The following LIN54 variants were observed in gnomAD, a reference collection of about 807,000 sequenced individuals.
The protein encoded by LIN54 is protein lin-54 homolog.
In LIN54, 9 loss-of-function variants were observed where a neutral mutation model predicts 78.7. The ratio of observed to expected loss-of-function variants is 0.11; its 90% CI spans 0.07 to 0.20. The LOEUF is 0.20. Among genes scored for constraint, LIN54 ranks in the 10% least tolerant of loss-of-function variants. LIN54 has a pLI of 1.00. For missense variants in LIN54, 573 were observed against 889.9 expected (o/e 0.64, Z 4.53); for synonymous variants, 269 against 318.4 (o/e 0.84, Z 1.65).
intron 3 of LIN54, among the ~76,000 whole-genome samples, chr4:82,976,853 A>G (rs907020245): frequency 4.6e-5 from 7 of 152,230 alleles, no homozygotes; most frequent in African/African-American, 1.7e-4. Flanking sequence ...TAAAGGTTAT[A>G]AAGAACTAGT....
chr4:82,986,677 C>T (rs1181465215), intron 1 of LIN54, among the ~76,000 whole-genome samples: 15 of 134,524 alleles, frequency 1.1e-4, no homozygotes, highest in Non-Finnish European at 2.1e-4. Context: ...GCACTTGAGC[C>T]GGGCGACAGA....
At chr4:82,963,978 A>G (rs1294943396) in intron 4 of LIN54, among the ~76,000 whole-genome samples, 1 of 152,124 alleles carries the variant, frequency 6.6e-6, no homozygotes, top group Non-Finnish European at 1.5e-5. Flanking sequence ...TTTTTTATGT[A>G]TATAATAATG....
rs763515521 is a variant in LIN54, at chr4:82,984,438, T to C, written c.407A>G (p.Asp136Gly). The C allele has an allele frequency of 6.2e-7, 1 of 1,614,114 alleles. No homozygotes were observed. Among genetic ancestry groups the C allele is most frequent in the African/African-American group, 1.3e-5 (1 of 74,934 alleles). The change falls in exon 2 of 13, where the codon GAT (aspartate) becomes GGT (glycine). Residue 136 changes from aspartate (D) to glycine (G), a missense_variant. Asp to Gly is a moderately conservative substitution (Grantham distance 94). Transcript: ENST00000340417. ...LKLGNQTLKP[D>G]GQKLILTTLG... ...AGTTGTTAAAATTAACTTCTGTCCATCTGGTTTAAGGGTCTGATTGCCAAG... is the reference window on the plus strand; with the variant it reads ...AGTTGTTAAAATTAACTTCTGTCCACCTGGTTTAAGGGTCTGATTGCCAAG...
At chr4:82,933,179 G>A (rs1023935076) in intron 11 of LIN54, among the ~76,000 whole-genome samples, 28 of 151,312 alleles carry the variant, frequency 1.9e-4, no homozygotes, top group African/African-American at 5.8e-4. Flanking sequence ...TAGTGATGAC[G>A]AGAGAAAATT....
chr4:82,979,731 A>T (rs1204705773), intron 2 of LIN54, among the ~76,000 whole-genome samples: 1 of 152,016 alleles, frequency 6.6e-6, no homozygotes, highest in Admixed American at 6.6e-5. Context: ...TGAGGTCAGG[A>T]GTTCAAGACC....
At chr4:82,982,160 A>G (rs1056335254) in intron 2 of LIN54, among the ~76,000 whole-genome samples, 2 of 152,164 alleles carry the variant, frequency 1.3e-5, no homozygotes, top group African/African-American at 4.8e-5. Flanking sequence ...GGTCATTGAA[A>G]TGTCACATAT....
chr4:82,933,024 A>G (rs1722098578), intron 11 of LIN54, among the ~76,000 whole-genome samples: 1 of 152,134 alleles, frequency 6.6e-6, no homozygotes, highest in Non-Finnish European at 1.5e-5. Context: ...AACGGGCTGC[A>G]TTATAAACAC....
At chr4:82,957,297 GC>G (rs891405717) in intron 4 of LIN54, among the ~76,000 whole-genome samples, 1 of 152,042 alleles carries the variant, frequency 6.6e-6, no homozygotes, top group African/African-American at 2.4e-5. Context: ...GTCTCTACCT[GC>G]CCACCACACA....
chr4:82,999,842 G>A (rs1578653273), intron 1 of LIN54, among the ~76,000 whole-genome samples: 1 of 149,774 alleles, frequency 6.7e-6, no homozygotes, highest in East Asian at 2.0e-4. Flanking sequence ...GAATTCCCAG[G>A]TGCCATTAAG....
rs777894492 is a variant in LIN54, at chr4:82,936,053, A to G, written c.1773T>C (p.Ser591=). 1.2e-6 allele frequency: 2 copies of G among 1,613,884 alleles called. No homozygotes were observed. The highest frequency in any genetic ancestry group is 1.1e-5 in the South Asian group (1 of 91,080). ...TACACCCTTTGCTATGACGTCGATC[A>G]GATTCTCCCTCCTTTCCTTTCCCTA... ...PKIGKGKEGE[S]DRRHSKGCNC... The change falls in exon 11 of 13, where the codon TCT becomes TCC. Residue 591 remains serine, a synonymous_variant. Coordinates refer to ENST00000340417, the MANE Select transcript of LIN54 (RefSeq NM_194282.4).
At chr4:82,965,020 C>T (rs1180278385) in intron 4 of LIN54, among the ~76,000 whole-genome samples, 1 of 151,856 alleles carries the variant, frequency 6.6e-6, no homozygotes, top group African/African-American at 2.4e-5. Flanking sequence ...ACTCCATCTT[C>T]AAGAAAAAAT....
intron 1 of LIN54, among the ~76,000 whole-genome samples, chr4:82,999,702 C>T (rs139251153): frequency 0.012 from 1,768 of 145,406 alleles, 35 homozygotes; most frequent in African/African-American, 0.042. Context: ...AGCTTGAAAC[C>T]GGGAGGCAGA....
At chr4:82,991,076 G>T (rs891036373) in intron 1 of LIN54, among the ~76,000 whole-genome samples, 1 of 149,792 alleles carries the variant, frequency 6.7e-6, no homozygotes, top group African/African-American at 2.5e-5. Context: ...TGGGAGGATC[G>T]CTTGAGGCCA....
At chr4:82,931,232 A>G in intron 11 of LIN54, 87 bp from the exon 12 acceptor site, 1 of 919,918 alleles carries the variant, frequency 1.1e-6, no homozygotes, top group African/African-American at 1.6e-5. Context: ...AACAGCTAAT[A>G]GCATTACCTG....
intron 3 of LIN54, among the ~76,000 whole-genome samples, chr4:82,974,317 C>T (rs1448724881): frequency 2.0e-5 from 3 of 151,888 alleles, no homozygotes; most frequent in Admixed American, 6.6e-5. Flanking sequence ...GATAAAAGAA[C>T]CATCAATACA....
At chr4:82,974,742 C>G (rs1726014585) in intron 3 of LIN54, among the ~76,000 whole-genome samples, 1 of 151,816 alleles carries the variant, frequency 6.6e-6, no homozygotes, top group Non-Finnish European at 1.5e-5. Flanking sequence ...ATCTTAAATC[C>G]CAGCTACTTG....
chr4:82,941,462 C>G (rs1226392191), intron 5 of LIN54, among the ~76,000 whole-genome samples: 2 of 152,032 alleles, frequency 1.3e-5, no homozygotes, highest in African/African-American at 4.8e-5. Flanking sequence ...TAGGGTAGGA[C>G]TCTGTATTTA....
At chr4:82,974,012 C>T (rs1287872109) in intron 3 of LIN54, among the ~76,000 whole-genome samples, 3 of 152,058 alleles carry the variant, frequency 2.0e-5, no homozygotes, top group Non-Finnish European at 4.4e-5. Flanking sequence ...AGATTGGGAC[C>T]ATCCTGGCTA....
At chr4:82,981,647 T>C (rs994047876) in intron 2 of LIN54, among the ~76,000 whole-genome samples, 9 of 152,306 alleles carry the variant, frequency 5.9e-5, no homozygotes, top group Admixed American at 3.3e-4. Context: ...AAATAATGGA[T>C]TGTACAAGTA....
Sources: allele counts gnomAD v4.1 joint callset (sites outside exome capture counted in the v4.1 genomes callset), GRCh38; gene constraint gnomAD v4.1.1; transcripts MANE v1.5; gene names NCBI Gene and HGNC (gene_info 2026-07-23, HGNC 2026-07-21).